ATP5PD: variants seen among roughly 807,000 people sequenced by gnomAD.
ATP5PD encodes the protein ATP synthase peripheral stalk subunit d, mitochondrial.
ATP5PD carries 13 observed loss-of-function variants against 22.6 expected under a neutral mutation model. That is an observed-to-expected ratio of 0.58 (90% CI 0.37 to 0.91). ATP5PD has a LOEUF of 0.91. Ranked by LOEUF, ATP5PD falls within the 40% of genes least tolerant of loss-of-function variation. The pLI, the probability that ATP5PD is intolerant of heterozygous loss-of-function variation, is 0.00. For missense variants in ATP5PD, 165 were observed against 188.0 expected, an observed-to-expected ratio of 0.88 and a Z score of 0.72; for synonymous variants, 51 against 65.0, an observed-to-expected ratio of 0.79 and a Z score of 1.03.
intron 1 of ATP5PD, among the ~76,000 whole-genome samples, chr17:75,043,577 C>CA (rs1346776482): frequency 6.8e-6 from 1 of 147,034 alleles, no homozygotes; most frequent in Non-Finnish European, 1.5e-5. Context: ...AGCGCCATTG[C>CA]ACTCCAGCCT....
chr17:75,040,133 C>T lies in ATP5PD; in HGVS notation c.250G>A (p.Asp84Asn). Residue 84 changes from aspartate to asparagine, a missense_variant, in exon 4 of 6, where the codon GAT (aspartate) becomes AAT (asparagine). Asp to Asn is a conservative substitution (Grantham distance 23). Coordinates refer to ENST00000301587, the MANE Select transcript of ATP5PD (RefSeq NM_006356.3). ...GCATCCACCTGGGCAGTATATTTAT[C>T]CTCTGGCACGGGAACCTTCAGCGCA... ...FNALKVPVPE[D>N]KYTAQVDAEE... 1 of 1,612,606 alleles carries T rather than the reference C, an allele frequency of 6.2e-7. No individual in the cohort carries two copies. The highest frequency in any genetic ancestry group is 2.0e-4 in the Middle Eastern group (1 of 4,978).
intron 1 of ATP5PD, among the ~76,000 whole-genome samples, chr17:75,044,024 T>C (rs1020595248): frequency 1.2e-5 from 1 of 86,546 alleles, no homozygotes; most frequent in Admixed American, 9.5e-5. Flanking sequence ...CGTTGTGCAC[T>C]TTTTTTTTTT....
chr17:75,046,275 G>T (rs1344970395), intron 1 of ATP5PD, among the ~76,000 whole-genome samples: 1 of 152,128 alleles, frequency 6.6e-6, no homozygotes, highest in Non-Finnish European at 1.5e-5. Flanking sequence ...GTAGAGGCGG[G>T]GTTTCACTAC....
intron 4 of ATP5PD, 55 bp from the exon 5 acceptor site, chr17:75,039,326 AGCT>A (rs1244339992): frequency 6.5e-7 from 1 of 1,535,158 alleles, no homozygotes; most frequent in African/African-American, 1.4e-5. Context: ...CTACCCCAGC[AGCT>A]GCTAAGGTAG....
chr17:75,040,823 T>A (rs1183724804), intron 3 of ATP5PD: 1 of 151,620 alleles, frequency 6.6e-6, no homozygotes, highest in East Asian at 1.9e-4. Flanking sequence ...GAGGCGGAGA[T>A]TGCAGTGAGC....
Position 75,039,046 on chromosome 17 carries a change from G to C in ATP5PD, c.372C>G (p.Asn124Lys). Residue 124 changes from asparagine to lysine, a missense_variant, in exon 6 of 6, where the codon AAC (asparagine) becomes AAG (lysine). By Grantham distance (94) the Asn-to-Lys change is moderately conservative. Coordinates refer to ENST00000301587, the MANE Select transcript of ATP5PD (RefSeq NM_006356.3). ...EYEKEMEKMK[N>K]LIPFDQMTIE... ...TGGTCATCTGATCAAATGGAATTAA[G>C]TTCTTCATCTTCTCCATCTGGAAAG... The C allele has an allele frequency of 6.2e-7, 1 of 1,614,042 alleles. No homozygotes were observed. Among genetic ancestry groups the C allele is most frequent in the Admixed American group, 1.7e-5 (1 of 59,970 alleles).
rs141770830 is a variant in ATP5PD at position 75,040,126 on chromosome 17, T to C, written c.257A>G (p.Tyr86Cys). The C allele has an allele frequency of 5.5e-5, 88 of 1,612,894 alleles. No homozygotes were observed. Among genetic ancestry groups the C allele is most frequent in the Middle Eastern group, 1.9e-4 (1 of 5,222 alleles). Residue 86 changes from tyrosine to cysteine, a missense_variant, in exon 4 of 6, where the codon TAT (tyrosine) becomes TGT (cysteine). Physicochemically the swap from Tyr to Cys is radical, Grantham distance 194 (BLOSUM62 -2). Transcript: ENST00000301587. ...ALKVPVPEDK[Y>C]TAQVDAEEKE... The stretch of plus-strand genomic sequence containing the variant: ...TTCTTCGGCATCCACCTGGGCAGTA[T>C]ATTTATCCTCTGGCACGGGAACCTT...
rs1037935558 is a variant in ATP5PD, at chr17:75,038,901, C to T, written c.*31G>A. 4 of 1,599,662 alleles carry T rather than the reference C, an allele frequency of 2.5e-6. No individual in the cohort carries two copies. Among genetic ancestry groups the T allele is most frequent in the Non-Finnish European group, 2.6e-6 (3 of 1,174,408 alleles). ...TTTTTAATGTCCAGAATGTGTAATA[C>T]AAGGGCCAGAGCTTCCTCCTGGACT... On this transcript the variant is annotated 3_prime_UTR_variant, in exon 6 of 6. Transcript: ENST00000301587.
At chr17:75,042,101 G>T in intron 3 of ATP5PD, 80 bp downstream of exon 3, 1 of 1,239,250 alleles carries the variant, frequency 8.1e-7, no homozygotes, top group Non-Finnish European at 1.2e-6. Context: ...CTGTCATGCT[G>T]TGTATGTAAT....
chr17:75,043,828 T>C (rs1197745777), intron 1 of ATP5PD, among the ~76,000 whole-genome samples: 1 of 152,154 alleles, frequency 6.6e-6, no homozygotes, highest in Non-Finnish European at 1.5e-5. Flanking sequence ...AATTTACTTA[T>C]GTGTACAATG....
chr17:75,042,069 C>T, intron 3 of ATP5PD, 112 bp downstream of exon 3: 1 of 952,202 alleles, frequency 1.1e-6, no homozygotes, highest in South Asian at 1.7e-5. Flanking sequence ...CGCATCCTTC[C>T]TAAGCTTCCT....
At position 75,042,181 on chromosome 17, in the gene ATP5PD, C is replaced by A; in HGVS notation, c.219G>T (p.Lys73Asn). The A allele has an allele frequency of 1.2e-6, 2 of 1,613,578 alleles. No homozygotes were observed. Among genetic ancestry groups the A allele is most frequent in the Non-Finnish European group, 1.7e-6 (2 of 1,179,688 alleles). Residue 73 changes from lysine to asparagine, a missense_variant and splice_region_variant, in exon 3 of 6, where the codon AAG becomes AAT. By Grantham distance (94) the Lys-to-Asn change is moderately conservative. Transcript: ENST00000301587. ...GTGCTTTAGAGGTGTGAAGTCTCAC[C>A]TTCTTCTCAAAGTCATCCACCAAGC... ...KAGLVDDFEKKFNALKVPVPE... is the reference protein window; with the variant it reads ...KAGLVDDFEKNFNALKVPVPE...
chr17:75,042,218 A>C lies in ATP5PD; in HGVS notation c.182T>G (p.Val61Gly). 1 of 1,614,224 alleles carries C rather than the reference A, an allele frequency of 6.2e-7. No individual in the cohort carries two copies. The highest frequency in any genetic ancestry group is 8.5e-7 in the Non-Finnish European group (1 of 1,180,028). The change falls in exon 3 of 6, where the codon GTG (valine) becomes GGG (glycine). Residue 61 changes from valine (V) to glycine (G), a missense_variant. Physicochemically the swap from Val to Gly is moderately radical, Grantham distance 109. Transcript: ENST00000301587. ...AIDWAYYKANVAKAGLVDDFE... is the reference protein window; with the variant it reads ...AIDWAYYKANGAKAGLVDDFE... Reference sequence around the variant, plus strand: ...GTCATCCACCAAGCCAGCCTTGGCCACATTGGCCTTGTAGTAAGCCCAGTC... The same window carrying C: ...GTCATCCACCAAGCCAGCCTTGGCCCCATTGGCCTTGTAGTAAGCCCAGTC...
chr17:75,039,176 A>T (rs1182488655), intron 5 of ATP5PD, 33 bp downstream of exon 5: 2 of 1,613,614 alleles, frequency 1.2e-6, no homozygotes, highest in Non-Finnish European at 1.7e-6. Flanking sequence ...GAGAGAACCC[A>T]TATTATAGGC....
chr17:75,039,021 T>C lies in ATP5PD; in HGVS notation c.397A>G (p.Ile133Val), dbSNP rs1403402287. 6.2e-7 allele frequency: 1 copy of C among 1,614,160 alleles called. No individual in the cohort carries two copies. Among genetic ancestry groups the C allele is most frequent in the African/African-American group, 1.3e-5 (1 of 75,060 alleles). ...GGGAAAGCTTCATTCAAGTCCTCAATGGTCATCTGATCAAATGGAATTAAG... is the reference window on the plus strand; with the variant it reads ...GGGAAAGCTTCATTCAAGTCCTCAACGGTCATCTGATCAAATGGAATTAAG... ...KNLIPFDQMT[I>V]EDLNEAFPET... The change falls in exon 6 of 6, where the codon ATT becomes GTT. Residue 133 changes from isoleucine (I) to valine (V), a missense_variant. Physicochemically the swap from Ile to Val is conservative, Grantham distance 29. Transcript: ENST00000301587.
rs1567986442 is a variant in ATP5PD at position 75,038,962 on chromosome 17, A to G, written c.456T>C (p.Tyr152=). 6.2e-7 allele frequency: 1 copy of G among 1,614,140 alleles called. No homozygotes were observed. Among genetic ancestry groups the G allele is most frequent in the Non-Finnish European group, 8.5e-7 (1 of 1,179,988 alleles). Residue 152 remains tyrosine (Y), a synonymous_variant, in exon 6 of 6, where the codon TAT becomes TAC. Coordinates refer to ENST00000301587, the MANE Select transcript of ATP5PD (RefSeq NM_006356.3). ...ETKLDKKKYP[Y]WPHQPIENL Reference sequence around the variant, plus strand: ...AATTCTCAATTGGTTGGTGAGGCCAATAGGGATACTTTTTCTTGTCTAATT... The same window carrying G: ...AATTCTCAATTGGTTGGTGAGGCCAGTAGGGATACTTTTTCTTGTCTAATT...
intron 3 of ATP5PD, chr17:75,040,465 TTGA>T (rs1272220905): frequency 5.0e-6 from 2 of 396,936 alleles, no homozygotes; most frequent in Non-Finnish European, 9.2e-6. Context: ...ACAGCTGGAC[TTGA>T]TGACCAAAAA....
intron 1 of ATP5PD, among the ~76,000 whole-genome samples, chr17:75,044,451 C>G (rs2073192289): frequency 8.7e-6 from 1 of 115,558 alleles, no homozygotes. Flanking sequence ...ATGATCCACC[C>G]GCCTCGGCCT....
At chr17:75,045,583 C>T (rs770720014) in intron 1 of ATP5PD, among the ~76,000 whole-genome samples, 10 of 152,210 alleles carry the variant, frequency 6.6e-5, no homozygotes, top group Non-Finnish European at 1.0e-4. Flanking sequence ...AAGAATTCAG[C>T]GATATTTCTC....
Sources: allele counts gnomAD v4.1 joint callset (sites outside exome capture counted in the v4.1 genomes callset), GRCh38; gene constraint gnomAD v4.1.1; transcripts MANE v1.5; gene names NCBI Gene and HGNC (gene_info 2026-07-23, HGNC 2026-07-21).